NPIPB2: variants seen among roughly 807,000 people sequenced by gnomAD.
The protein encoded by NPIPB2 is nuclear pore complex-interacting protein family member B2.
Under a neutral mutation model 30.8 loss-of-function variants are expected in NPIPB2, and 27 were observed. That is an observed-to-expected ratio of 0.88 (90% CI 0.65 to 1.21). The LOEUF (loss-of-function observed/expected upper bound fraction) is 1.21, where lower values mean the gene tolerates loss of function less well. Ranked by LOEUF, NPIPB2 falls within the 50% of genes most tolerant of loss-of-function variation. The probability of loss-of-function intolerance (pLI) is 0.00; values close to 1 mark genes in which losing one functional copy is unlikely to be tolerated. For synonymous variants in NPIPB2, 147 were observed against 162.0 expected, an observed-to-expected ratio of 0.91 and a Z score of 0.70; for missense variants, 440 against 446.2, an observed-to-expected ratio of 0.99 and a Z score of 0.13.
chr16:11,957,154 T>G (rs1248317963), intron 1 of NPIPB2, among the ~76,000 whole-genome samples: 1 of 141,214 alleles, frequency 7.1e-6, no homozygotes, highest in Non-Finnish European at 1.5e-5. Flanking sequence ...ACCACACCTG[T>G]CTAACTTTTT....
intron 1 of NPIPB2, among the ~76,000 whole-genome samples, chr16:11,954,171 C>T (rs555323751): frequency 3.2e-4 from 48 of 151,876 alleles, no homozygotes; most frequent in African/African-American, 1.1e-3. Flanking sequence ...AATTCCTAAA[C>T]GTGGAATTGC....
intron 1 of NPIPB2, among the ~76,000 whole-genome samples, chr16:11,956,644 C>G (rs1244512984): frequency 1.3e-5 from 2 of 152,076 alleles, no homozygotes; most frequent in Non-Finnish European, 2.9e-5. Flanking sequence ...CCACTGCACT[C>G]CAGCCTGGGG....
At chr16:11,938,561 C>T (rs961874718) in intron 1 of NPIPB2, among the ~76,000 whole-genome samples, 2 of 147,732 alleles carry the variant, frequency 1.4e-5, no homozygotes, top group African/African-American at 5.0e-5. Flanking sequence ...AAACTCCTGA[C>T]CTCAGGTAAT....
chr16:11,953,202 G>A (rs1364634665), intron 1 of NPIPB2, among the ~76,000 whole-genome samples: 1 of 152,142 alleles, frequency 6.6e-6, no homozygotes, highest in African/African-American at 2.4e-5. Flanking sequence ...CTGGAGTGCA[G>A]TGGCGCAATG....
Position 11,948,273 on chromosome 16 carries a change from C to G in NPIPB2, c.-583-6159G>C, listed in dbSNP as rs1018097228. ...CACCAAACAGAAATAAAGAAGCACT[C>G]CTAATGAACTGTGGATCCTGTCATC... is the stretch of plus-strand genomic sequence containing the variant. On this transcript the variant is annotated intron_variant, in intron 1 of 5. Transcript: ENST00000538896. Among the ~76,000 whole-genome samples the G allele has an allele frequency of 3.3e-5, 5 of 152,142 alleles. No individual in the cohort carries two copies. The South Asian group carries it at 1.0e-3, about 32-fold the overall frequency.
At chr16:11,938,230 T>C (rs978511867) in intron 1 of NPIPB2, among the ~76,000 whole-genome samples, 2 of 152,172 alleles carry the variant, frequency 1.3e-5, no homozygotes, top group African/African-American at 4.8e-5. Context: ...TGTTGGCCAG[T>C]CTGGCCTTGA....
chr16:11,968,121 TG>T (rs894548124), intron 1 of NPIPB2: 26 of 311,070 alleles, frequency 8.4e-5, no homozygotes, highest in African/African-American at 5.6e-4. Context: ...TATACCAGTG[TG>T]GGGGGTGAGG....
intron 1 of NPIPB2, among the ~76,000 whole-genome samples, chr16:11,964,296 A>C (rs528127876): frequency 2.6e-5 from 4 of 152,028 alleles, no homozygotes; most frequent in African/African-American, 9.7e-5. Context: ...TTATTATTAT[A>C]ATACCCCAAA....
intron 1 of NPIPB2, among the ~76,000 whole-genome samples, chr16:11,957,435 C>A (rs2055121101): frequency 6.6e-6 from 1 of 151,614 alleles, no homozygotes. Context: ...AGTGCTGGGA[C>A]CTTGTGAACC....
intron 4 of NPIPB2, among the ~76,000 whole-genome samples, chr16:11,932,881 T>G (rs368021301): frequency 1.7e-4 from 24 of 139,720 alleles, no homozygotes; most frequent in African/African-American, 6.4e-4. Flanking sequence ...TTGCTTCAAA[T>G]TGGGAGGCAG....
intron 1 of NPIPB2, among the ~76,000 whole-genome samples, chr16:11,975,564 T>C (rs1358397933): frequency 6.6e-6 from 1 of 151,776 alleles, no homozygotes; most frequent in Non-Finnish European, 1.5e-5. Flanking sequence ...CCCATTATAA[T>C]TCATTCTCAT....
Position 11,962,622 on chromosome 16 carries a change from A to C in NPIPB2, c.-584+13946T>G, listed in dbSNP as rs930350954. ...GCAAGATTCTGTCTCAAAAAAAAAA[A>C]AAAAAAACCAAAAAAAAAGAGGAAG... On this transcript the variant is annotated intron_variant, in intron 1 of 5. Transcript: ENST00000538896. Among the ~76,000 whole-genome samples, 24 of 151,106 alleles carry C rather than the reference A, an allele frequency of 1.6e-4. 1 individual carries two copies. The highest frequency in any genetic ancestry group is 2.8e-4 in the Non-Finnish European group (19 of 67,740).
chr16:11,934,590 G>C (rs1022936986), intron 2 of NPIPB2, among the ~76,000 whole-genome samples: 1 of 150,768 alleles, frequency 6.6e-6, no homozygotes, highest in Admixed American at 6.6e-5. Context: ...GCCAGGTGCG[G>C]TAGCTCACGC....
At chr16:11,969,349 C>T (rs775245226) in intron 1 of NPIPB2, among the ~76,000 whole-genome samples, 1 of 152,040 alleles carries the variant, frequency 6.6e-6, no homozygotes, top group Non-Finnish European at 1.5e-5. Context: ...CCTCTGCCTC[C>T]CGGGTTCAAG....
At chr16:11,973,846 C>T (rs953360648) in intron 1 of NPIPB2, among the ~76,000 whole-genome samples, 33 of 152,072 alleles carry the variant, frequency 2.2e-4, no homozygotes, top group Non-Finnish European at 4.4e-5. Flanking sequence ...CCCAGCAAAA[C>T]AGGTTATGGG....
chr16:11,951,156 A>G (rs1280374518), intron 1 of NPIPB2, among the ~76,000 whole-genome samples: 6 of 152,044 alleles, frequency 3.9e-5, no homozygotes, highest in South Asian at 2.1e-4. Flanking sequence ...TTCAGTTTCG[A>G]GAAAAATTAA....
At chr16:11,941,338 C>T in intron 1 of NPIPB2, 1 of 312,794 alleles carries the variant, frequency 3.2e-6, no homozygotes, top group Non-Finnish European at 5.5e-6. Context: ...CGGGCCGGAT[C>T]TGAGTTGGGG....
chr16:11,953,676 A>AT (rs1255946665), intron 1 of NPIPB2, among the ~76,000 whole-genome samples: 1 of 136,664 alleles, frequency 7.3e-6, no homozygotes, highest in African/African-American at 2.8e-5. Flanking sequence ...TTCTTAGTTT[A>AT]TTTTTTGCTT....
chr16:11,972,596 T>C (rs1287404632), intron 1 of NPIPB2, among the ~76,000 whole-genome samples: 2 of 150,962 alleles, frequency 1.3e-5, no homozygotes, highest in Non-Finnish European at 3.0e-5. Flanking sequence ...AAAAAAAAGC[T>C]AGGTGTGGTG....
Sources: allele counts gnomAD v4.1 joint callset (sites outside exome capture counted in the v4.1 genomes callset), GRCh38; gene constraint gnomAD v4.1.1; transcripts MANE v1.5; gene names NCBI Gene and HGNC (gene_info 2026-07-23, HGNC 2026-07-21).